The following PRIM2 variants were observed in gnomAD, a reference collection of about 807,000 sequenced individuals.
PRIM2 encodes DNA primase large subunit.
In PRIM2, 39 loss-of-function variants were observed where a neutral mutation model predicts 67.3. The observed-to-expected ratio is 0.58, with a 90% confidence interval of 0.45 to 0.76. The LOEUF (loss-of-function observed/expected upper bound fraction) is 0.76. Among genes scored for constraint, PRIM2 ranks in the 30% least tolerant of loss-of-function variants. The pLI is 0.00. For missense variants in PRIM2, 398 were observed against 598.7 expected, an observed-to-expected ratio of 0.66 and a Z score of 3.50; for synonymous variants, 143 against 198.7, an observed-to-expected ratio of 0.72 and a Z score of 2.36.
intron 9 of PRIM2, among the ~76,000 whole-genome samples, chr6:57,536,280 C>A (rs1324725312): frequency 6.6e-6 from 1 of 152,168 alleles, no homozygotes; most frequent in Non-Finnish European, 1.5e-5. Flanking sequence ...TTAAGGAAGT[C>A]ATAGAGAATG....
At chr6:57,618,210 G>T (rs1386082119) in intron 12 of PRIM2, among the ~76,000 whole-genome samples, 1 of 152,064 alleles carries the variant, frequency 6.6e-6, no homozygotes, top group Non-Finnish European at 1.5e-5. Flanking sequence ...TATTATTTTG[G>T]CTATCTGGAG....
At chr6:57,245,566 AG>A in the PRIM2 span, among the ~76,000 whole-genome samples, 1 of 152,104 alleles carries the variant, frequency 6.6e-6, no homozygotes, top group African/African-American at 2.4e-5. Flanking sequence ...TTCAGGTTTC[AG>A]TTTTGTAGAT....
intron 7 of PRIM2, among the ~76,000 whole-genome samples, chr6:57,495,181 C>T (rs1277145371): frequency 1.1e-4 from 16 of 151,962 alleles, no homozygotes; most frequent in South Asian, 4.2e-4. Context: ...ATGTAATAGT[C>T]TCATTTATTT....
At chr6:57,437,799 G>A (rs1287710678) in intron 7 of PRIM2, among the ~76,000 whole-genome samples, 1 of 151,800 alleles carries the variant, frequency 6.6e-6, no homozygotes, top group Non-Finnish European at 1.5e-5. Context: ...CGAGTAGCTA[G>A]GACGAAAGGC....
chr6:57,557,849 A>G (rs1775547539), intron 10 of PRIM2, among the ~76,000 whole-genome samples: 1 of 151,930 alleles, frequency 6.6e-6, no homozygotes, highest in Non-Finnish European at 1.5e-5. Flanking sequence ...CTTGTATTTT[A>G]ATATAACTAT....
At chr6:57,629,480 A>T (rs1419213887) in intron 12 of PRIM2, among the ~76,000 whole-genome samples, 2 of 152,186 alleles carry the variant, frequency 1.3e-5, no homozygotes, top group Non-Finnish European at 2.9e-5. Flanking sequence ...GTGGTATCTC[A>T]TGCATTATTT....
chr6:57,553,028 T>A (rs1423748637), intron 10 of PRIM2, among the ~76,000 whole-genome samples: 4 of 152,160 alleles, frequency 2.6e-5, no homozygotes, highest in Non-Finnish European at 5.9e-5. Context: ...TCAGAATGAG[T>A]AAATATGAAA....
the PRIM2 span, among the ~76,000 whole-genome samples, chr6:57,309,698 G>C: frequency 6.6e-6 from 1 of 152,118 alleles, no homozygotes; most frequent in Non-Finnish European, 1.5e-5. Flanking sequence ...GGATGGCTGG[G>C]TCAAATGGTA....
chr6:57,439,332 T>G (rs1258881000), intron 7 of PRIM2, among the ~76,000 whole-genome samples: 2 of 120,904 alleles, frequency 1.7e-5, no homozygotes, highest in Non-Finnish European at 3.8e-5. Flanking sequence ...GGCCAGTAGT[T>G]TGAATTATTT....
At chr6:57,265,363 G>A in the PRIM2 span, among the ~76,000 whole-genome samples, 1 of 152,160 alleles carries the variant, frequency 6.6e-6, no homozygotes, top group Non-Finnish European at 1.5e-5. Flanking sequence ...TGAAGAAGTG[G>A]AGAAATCTTG....
intron 7 of PRIM2, among the ~76,000 whole-genome samples, chr6:57,476,883 G>A (rs1336454131): frequency 6.6e-6 from 1 of 152,090 alleles, no homozygotes; most frequent in Admixed American, 6.5e-5. Context: ...AAGTAGGTGG[G>A]ATTACAGGCA....
At chr6:57,538,688 A>G (rs1775069820) in intron 10 of PRIM2, among the ~76,000 whole-genome samples, 1 of 152,174 alleles carries the variant, frequency 6.6e-6, no homozygotes, top group African/African-American at 2.4e-5. Flanking sequence ...TTATTTCCTC[A>G]CACTTCTGGA....
intron 7 of PRIM2, among the ~76,000 whole-genome samples, chr6:57,433,924 GT>G (rs5876563): frequency 8.2e-4 from 112 of 135,968 alleles, no homozygotes; most frequent in South Asian, 3.3e-3. Flanking sequence ...TCTGTTCCCT[GT>G]TTTTTTTTTT....
intron 5 of PRIM2, among the ~76,000 whole-genome samples, chr6:57,359,589 A>C (rs1014252614): frequency 6.6e-6 from 1 of 152,206 alleles, no homozygotes; most frequent in Non-Finnish European, 1.5e-5. Flanking sequence ...TTTGTTATAC[A>C]GTGATAGATA....
rs1288268889 is a variant in PRIM2 at position 57,641,129 on chromosome 6, T to C, written c.1300-4799T>C. Among the ~76,000 whole-genome samples the C allele has an allele frequency of 2.6e-5, 4 of 151,910 alleles. No homozygotes were observed. The South Asian group carries it at 8.3e-4, about 32-fold the overall frequency. On this transcript the variant is annotated intron_variant, in intron 13 of 13. Transcript: ENST00000615550. Reference sequence around the variant, plus strand: ...TTGTTGACAAACCTGACAAAAACAATCAATGGGGAAAAGATTCTCTATTTA... The same window carrying C: ...TTGTTGACAAACCTGACAAAAACAACCAATGGGGAAAAGATTCTCTATTTA...
At chr6:57,553,029 A>G (rs1188921890) in intron 10 of PRIM2, among the ~76,000 whole-genome samples, 1 of 152,232 alleles carries the variant, frequency 6.6e-6, no homozygotes, top group Non-Finnish European at 1.5e-5. Flanking sequence ...CAGAATGAGT[A>G]AATATGAAAC....
the PRIM2 span, among the ~76,000 whole-genome samples, chr6:57,222,561 T>C: frequency 6.6e-6 from 1 of 152,230 alleles, no homozygotes; most frequent in South Asian, 2.1e-4. Flanking sequence ...CTTGCCCCGC[T>C]TCGGACACCT....
At chr6:57,645,692 C>G (rs1777322506) in intron 13 of PRIM2, among the ~76,000 whole-genome samples, 1 of 151,474 alleles carries the variant, frequency 6.6e-6, no homozygotes. Context: ...GGAACTGGAG[C>G]CAAACACAGA....
chr6:57,550,918 G>A (rs1188630170), intron 10 of PRIM2, among the ~76,000 whole-genome samples: 2 of 152,310 alleles, frequency 1.3e-5, no homozygotes, highest in East Asian at 1.9e-4. Context: ...TTCTTTGGAA[G>A]ATTTATTAAT....
Sources: allele counts gnomAD v4.1 joint callset (sites outside exome capture counted in the v4.1 genomes callset), GRCh38; gene constraint gnomAD v4.1.1; transcripts MANE v1.5; gene names NCBI Gene and HGNC (gene_info 2026-07-23, HGNC 2026-07-21).